SPIDR: variants seen among roughly 807,000 people sequenced by gnomAD.
SPIDR encodes DNA repair-scaffolding protein.
Under a neutral mutation model 104.6 loss-of-function variants are expected in SPIDR, and 93 were observed. The ratio of observed to expected loss-of-function variants is 0.89; its 90% CI spans 0.75 to 1.06. The LOEUF is 1.06. SPIDR is among the 50% of genes least tolerant of loss of function. SPIDR has a pLI of 0.00. For missense variants in SPIDR, 1,154 were observed against 1,111.2 expected (o/e 1.04, Z -0.55); for synonymous variants, 431 against 416.9 (o/e 1.03, Z -0.41).
chr8:47,360,260 A>AG (rs1369297350), intron 5 of SPIDR, among the ~76,000 whole-genome samples: 3 of 150,162 alleles, frequency 2.0e-5, no homozygotes, highest in Non-Finnish European at 4.5e-5. Flanking sequence ...AAAAAAAAAA[A>AG]AAAAAAAAAA....
At chr8:47,410,349 T>C (rs1348843253) in intron 7 of SPIDR, among the ~76,000 whole-genome samples, 1 of 151,730 alleles carries the variant, frequency 6.6e-6, no homozygotes, top group Non-Finnish European at 1.5e-5. Context: ...CCTGGCTAAT[T>C]TTTGTATTTT....
intron 10 of SPIDR, among the ~76,000 whole-genome samples, chr8:47,662,099 C>T: frequency 6.6e-6 from 1 of 152,224 alleles, no homozygotes; most frequent in Non-Finnish European, 1.5e-5. Flanking sequence ...AACCTCAGGC[C>T]AGTGCAGGCG....
At chr8:47,481,298 A>T (rs2076872550) in intron 8 of SPIDR, among the ~76,000 whole-genome samples, 1 of 152,196 alleles carries the variant, frequency 6.6e-6, no homozygotes, top group African/African-American at 2.4e-5. Context: ...TGTATATATA[A>T]TGTTAAGTGA....
At chr8:47,712,557 AAAT>A in intron 14 of SPIDR, 102 bp from the exon 15 acceptor site, 1 of 1,258,254 alleles carries the variant, frequency 7.9e-7, no homozygotes, top group Non-Finnish European at 1.1e-6. Context: ...AGTGTTTTTG[AAAT>A]AATATCTTAA....
chr8:47,629,709 G>A (rs1180239694), intron 10 of SPIDR, among the ~76,000 whole-genome samples: 5 of 152,338 alleles, frequency 3.3e-5, no homozygotes, highest in East Asian at 1.9e-4. Flanking sequence ...AGCCGAGATC[G>A]TGCTACTGCA....
At chr8:47,532,280 G>A (rs1173544643) in intron 8 of SPIDR, among the ~76,000 whole-genome samples, 1 of 151,938 alleles carries the variant, frequency 6.6e-6, no homozygotes, top group East Asian at 1.9e-4. Context: ...TGTTGATCAG[G>A]CTGGTCTCGA....
chr8:47,455,307 ATGT>A (rs2072741218), intron 8 of SPIDR, among the ~76,000 whole-genome samples: 1 of 152,152 alleles, frequency 6.6e-6, no homozygotes, highest in Admixed American at 6.6e-5. Flanking sequence ...TATTCAAAGG[ATGT>A]TGTTATTTAA....
intron 8 of SPIDR, among the ~76,000 whole-genome samples, chr8:47,448,591 A>T (rs2071124957): frequency 6.6e-6 from 1 of 152,052 alleles, no homozygotes; most frequent in African/African-American, 2.4e-5. Flanking sequence ...TTGCAAGAGG[A>T]TTGAGGAGGT....
chr8:47,536,960 A>C (rs1419241164), intron 8 of SPIDR, among the ~76,000 whole-genome samples: 3 of 152,250 alleles, frequency 2.0e-5, no homozygotes, highest in Non-Finnish European at 4.4e-5. Flanking sequence ...TAATCACATT[A>C]AAAGATGCTT....
Position 47,673,590 on chromosome 8 carries a change from A to G in SPIDR, c.1545-211A>G, listed in dbSNP as rs1488937784. The G allele has an allele frequency of 8.0e-6, 5 of 624,478 alleles. No individual in the cohort carries two copies. In the South Asian group the frequency reaches 8.6e-5, roughly 11 times the overall value. The allele number at this position is 624,478 out of a possible 1,614,324, so 38.7% of individuals were successfully genotyped here. On this transcript the variant is annotated intron_variant, in intron 10 of 19. Transcript: ENST00000297423. The stretch of plus-strand genomic sequence containing the variant: ...ATACAGAAAGGATATCTTGAATTCA[A>G]CGTTTTTTTAATCCTGACTCACCCA...
At position 47,432,247 on chromosome 8, in the gene SPIDR, G is replaced by GA. The variant is rs1217100015; in HGVS notation, c.878-8070dup. On this transcript the variant is annotated intron_variant, in intron 7 of 19. Coordinates refer to ENST00000297423, the MANE Select transcript of SPIDR (RefSeq NM_001080394.4). ...AATTAAGTTTTTAGTGCATGTTAAT[G>GA]AAAAAATGGTACAATACAGTGAATA... 2.6e-5 allele frequency among the ~76,000 whole-genome samples: 4 copies of GA among 152,242 alleles called. No individual in the cohort carries two copies. The East Asian group carries it at 7.7e-4, about 29-fold the overall frequency.
At chr8:47,628,409 A>T (rs2066534957) in intron 10 of SPIDR, among the ~76,000 whole-genome samples, 2 of 152,250 alleles carry the variant, frequency 1.3e-5, no homozygotes, top group Admixed American at 1.3e-4. Flanking sequence ...CAATTTTAAG[A>T]ATCATTAGTT....
chr8:47,401,192 T>TA (rs1241104445), intron 6 of SPIDR, among the ~76,000 whole-genome samples: 1 of 152,136 alleles, frequency 6.6e-6, no homozygotes, highest in African/African-American at 2.4e-5. Context: ...TCAACATTCT[T>TA]AAAGAAAAGA....
At chr8:47,443,338 G>A (rs1465374374) in intron 8 of SPIDR, among the ~76,000 whole-genome samples, 2 of 152,110 alleles carry the variant, frequency 1.3e-5, no homozygotes, top group Non-Finnish European at 2.9e-5. Context: ...AGGAGGCCAA[G>A]GCAGGTGGGT....
intron 8 of SPIDR, among the ~76,000 whole-genome samples, chr8:47,592,928 C>T (rs1050198214): frequency 5.9e-5 from 9 of 151,826 alleles, no homozygotes; most frequent in African/African-American, 2.2e-4. Context: ...CTTTTGTTGC[C>T]CGGGTTGGAG....
In SPIDR at chr8:47,661,523, G is replaced by A. The variant is rs530608560; in HGVS notation, c.1545-12278G>A. ...AACTGCTTCCCAAAGTGGAAGCTCCGTTTTATGAACATTAATCAGATAACT... is the reference window on the plus strand; with the variant it reads ...AACTGCTTCCCAAAGTGGAAGCTCCATTTTATGAACATTAATCAGATAACT... On this transcript the variant is annotated intron_variant, in intron 10 of 19. Coordinates refer to ENST00000297423, the MANE Select transcript of SPIDR (RefSeq NM_001080394.4). Among the ~76,000 whole-genome samples, 3 of 152,338 alleles carry A rather than the reference G, an allele frequency of 2.0e-5. No individual in the cohort carries two copies. In the East Asian group the frequency reaches 5.8e-4, roughly 29 times the overall value.
Position 47,684,793 on chromosome 8 carries a change from C to T in SPIDR, c.1685+10852C>T, listed in dbSNP as rs1041927196. ...AAAATGATACAGTTTGAAAGTGTTC[C>T]ATGTTTTTCCCAAGGAAGAATATAA... On this transcript the variant is annotated intron_variant, in intron 11 of 19. Transcript: ENST00000297423. Among the ~76,000 whole-genome samples the T allele has an allele frequency of 3.9e-5, 6 of 152,140 alleles. No individual in the cohort carries two copies. The East Asian group carries it at 5.8e-4, about 15-fold the overall frequency.
intron 8 of SPIDR, among the ~76,000 whole-genome samples, chr8:47,483,721 G>T (rs2077178836): frequency 6.6e-6 from 1 of 152,106 alleles, no homozygotes. Context: ...ATTGTCATGG[G>T]GATCTGTGGC....
chr8:47,363,199 C>CTTTTTTTTTTTTTTTTT (rs34705214), intron 5 of SPIDR, among the ~76,000 whole-genome samples: 1 of 79,694 alleles, frequency 1.3e-5, no homozygotes, highest in African/African-American at 5.3e-5. Context: ...CTTTATCTCT[C>CTTTTTTTTTTTTTTTTT]TTTTTTTTTT....
Sources: gnomAD v4.1 joint callset for allele counts (sites outside exome capture counted in the v4.1 genomes callset) on GRCh38, gnomAD v4.1.1 for gene constraint, MANE v1.5 for transcripts, NCBI Gene and HGNC (gene_info 2026-07-23, HGNC 2026-07-21) for gene names.